The following HEATR6 variants were observed in gnomAD, a reference collection of about 807,000 sequenced individuals.
HEATR6 encodes the protein HEAT repeat-containing protein 6.
Under a neutral mutation model 132.8 loss-of-function variants are expected in HEATR6, and 106 were observed. That is an observed-to-expected ratio of 0.80 (90% CI 0.68 to 0.94). HEATR6 has a LOEUF of 0.94. Among genes scored for constraint, HEATR6 ranks in the 40% least tolerant of loss-of-function variants. HEATR6 has a pLI of 0.00. For missense variants in HEATR6, 1,339 were observed against 1,425.1 expected, an observed-to-expected ratio of 0.94 and a Z score of 0.97; for synonymous variants, 529 against 537.8, an observed-to-expected ratio of 0.98 and a Z score of 0.23.
At chr17:60,073,962 C>G (rs927344414) in intron 2 of HEATR6, 76 bp from the exon 3 acceptor site, 6 of 1,528,218 alleles carry the variant, frequency 3.9e-6, no homozygotes, top group Admixed American at 4.1e-5. Flanking sequence ...GTATGCTCAC[C>G]TGAATCAAGC....
At chr17:60,067,261 C>T (rs2083246328) in intron 8 of HEATR6, among the ~76,000 whole-genome samples, 173 bp downstream of exon 8, 1 of 127,878 alleles carries the variant, frequency 7.8e-6, no homozygotes, top group African/African-American at 3.5e-5. Context: ...CAGAGCGAGA[C>T]TCCGTCTCAA....
intron 8 of HEATR6, 60 bp downstream of exon 8, chr17:60,067,374 G>C (rs2083247354): frequency 2.4e-6 from 3 of 1,256,198 alleles, no homozygotes; most frequent in Non-Finnish European, 3.2e-6. Flanking sequence ...TTCAGGTTAA[G>C]TTATAAACTT....
At chr17:60,049,759 G>C in intron 15 of HEATR6, 57 bp from the exon 16 acceptor site, 3 of 1,581,248 alleles carry the variant, frequency 1.9e-6, no homozygotes, top group South Asian at 1.1e-5. Context: ...CAAGCCAAAG[G>C]CTTCCATAAA....
intron 1 of HEATR6, among the ~76,000 whole-genome samples, chr17:60,078,092 C>A (rs1357272340): frequency 6.6e-6 from 1 of 152,188 alleles, no homozygotes; most frequent in Non-Finnish European, 1.5e-5. Flanking sequence ...ACTTGCACCA[C>A]TTCCCTCTTT....
chr17:60,063,107 T>C (rs1311548425), intron 9 of HEATR6: 1 of 152,298 alleles, frequency 6.6e-6, no homozygotes, highest in Non-Finnish European at 1.5e-5. Flanking sequence ...TCTTTGCTAA[T>C]ACACTAAGCA....
chr17:60,056,634 C>G (rs1906752170), intron 12 of HEATR6, among the ~76,000 whole-genome samples: 1 of 152,128 alleles, frequency 6.6e-6, no homozygotes. Context: ...ACTCTTTTAT[C>G]TAGGATTGTT....
In HEATR6 at chr17:60,043,939, A is replaced by G. The variant is rs376792103; in HGVS notation, c.3170T>C (p.Ile1057Thr). 1.2e-6 allele frequency: 2 copies of G among 1,614,126 alleles called. No individual in the cohort carries two copies. Among genetic ancestry groups the G allele is most frequent in the Admixed American group, 1.7e-5 (1 of 60,026 alleles). ...ACAGTACTTGAATTCCAAAAAGTCTATGGTGTCTTCACTCTTCTGTAAAGC... is the reference window on the plus strand; with the variant it reads ...ACAGTACTTGAATTCCAAAAAGTCTGTGGTGTCTTCACTCTTCTGTAAAGC... The part of the protein sequence containing the change: ...VTALQKSEDT[I>T]DFLEFKYCVS... Residue 1057 changes from isoleucine (I) to threonine (T), a missense_variant, in exon 20 of 20, where the codon ATA (isoleucine) becomes ACA (threonine). By Grantham distance (89) the Ile-to-Thr change is moderately conservative. Transcript: ENST00000184956.
intron 2 of HEATR6, chr17:60,075,812 G>C (rs898458085): frequency 1.9e-5 from 3 of 154,910 alleles, no homozygotes; most frequent in African/African-American, 7.5e-5. Context: ...CCACACTCCA[G>C]CCTGGGCAAC....
At chr17:60,067,844 T>A in intron 7 of HEATR6, 112 bp from the exon 8 acceptor site, 1 of 857,284 alleles carries the variant, frequency 1.2e-6, no homozygotes, top group Non-Finnish European at 1.7e-6. Flanking sequence ...ACATGTAGTT[T>A]AAAGAAAGAA....
At chr17:60,070,862 G>C in intron 5 of HEATR6, 55 bp from the exon 6 acceptor site, 2 of 959,190 alleles carry the variant, frequency 2.1e-6, no homozygotes, top group Non-Finnish European at 3.4e-6. Flanking sequence ...GGTTGTCCAG[G>C]AATCAACTTA....
chr17:60,059,416 A>G lies in HEATR6; in HGVS notation c.1723+6T>C, dbSNP rs756436877. 2 of 1,588,566 alleles carry G rather than the reference A, an allele frequency of 1.3e-6. No individual in the cohort carries two copies. The highest frequency in any genetic ancestry group is 1.7e-6 in the Non-Finnish European group (2 of 1,160,788). On this transcript the variant is annotated splice_donor_region_variant and intron_variant, in intron 11 of 19. Transcript: ENST00000184956. The stretch of plus-strand genomic sequence containing the variant: ...AAGAAGCCATCAGTTTTAAGCCACT[A>G]CAAACCTTTGTGGCGAATATAAGGC...
At chr17:60,070,260 C>G (rs911034492) in intron 6 of HEATR6, among the ~76,000 whole-genome samples, 1 of 152,146 alleles carries the variant, frequency 6.6e-6, no homozygotes, top group African/African-American at 2.4e-5. Context: ...TTACTTCTTA[C>G]TTTGCTGGCT....
At position 60,048,971 on chromosome 17, in the gene HEATR6, ACATATATATATAATATATATAT is replaced by A. The variant is rs1178441660; in HGVS notation, c.2547+587_2548-584del. On this transcript the variant is annotated intron_variant, in intron 16 of 19. Coordinates refer to ENST00000184956, the MANE Select transcript of HEATR6 (RefSeq NM_022070.5). ...AGTAATTAAAAATTAAAAATAAATA[ACATATATATATAATATATATAT>A]ATATATATATATATATATATATATA... Among the ~76,000 whole-genome samples, 209 of 106,506 alleles carry A rather than the reference ACATATATATATAATATATATAT, an allele frequency of 2.0e-3. 2 individuals carry two copies. The highest frequency in any genetic ancestry group is 8.3e-3 in the African/African-American group (199 of 23,836). The allele number at this position is 106,506 out of a possible 152,430, so 69.9% of individuals were successfully genotyped here.
At chr17:60,077,754 G>A (rs2083303760) in intron 1 of HEATR6, among the ~76,000 whole-genome samples, 1 of 152,186 alleles carries the variant, frequency 6.6e-6, no homozygotes, top group African/African-American at 2.4e-5. Flanking sequence ...GCTTGGAGAG[G>A]AGCTAGACAG....
intron 2 of HEATR6, among the ~76,000 whole-genome samples, chr17:60,074,414 G>A (rs2083287130): frequency 6.6e-6 from 1 of 152,190 alleles, no homozygotes; most frequent in South Asian, 2.1e-4. Context: ...GTCACCAAGT[G>A]CTGGAAAGCT....
rs2083261252 is a variant in HEATR6, at chr17:60,069,757, G to A, written c.893C>T (p.Pro298Leu). Residue 298 changes from proline (P) to leucine (L), a missense_variant, in exon 7 of 20, where the codon CCT becomes CTT. Transcript: ENST00000184956. ...TPLPQYDGRT[P>L]IKPQQSESSA... ...GGATTCTGATTGCTGTGGTTTGATA[G>A]GTGTTCGCCCATCATACTGAGGAAG... The A allele has an allele frequency of 6.2e-7, 1 of 1,614,024 alleles. No individual in the cohort carries two copies. Among genetic ancestry groups the A allele is most frequent in the Non-Finnish European group, 8.5e-7 (1 of 1,179,964 alleles).
At chr17:60,067,366 CAGGTTA>C in intron 8 of HEATR6, 62 bp downstream of exon 8, 1 of 1,109,102 alleles carries the variant, frequency 9.0e-7, no homozygotes, top group Non-Finnish European at 1.2e-6. Flanking sequence ...ATGCAGCATT[CAGGTTA>C]AGTTATAAAC....
chr17:60,056,369 C>T (rs1906744193), intron 12 of HEATR6, 132 bp from the exon 13 acceptor site: 1 of 747,674 alleles, frequency 1.3e-6, no homozygotes, highest in Non-Finnish European at 2.1e-6. Context: ...AATTAAGAAC[C>T]ATAATCTTTA....
intron 15 of HEATR6, among the ~76,000 whole-genome samples, chr17:60,050,476 A>G (rs769343258): frequency 2.0e-4 from 30 of 152,290 alleles, no homozygotes; most frequent in Middle Eastern, 3.4e-3. Context: ...CTACCATCTT[A>G]TTGATGATAA....
Sources: allele counts gnomAD v4.1 joint callset (sites outside exome capture counted in the v4.1 genomes callset), GRCh38; gene constraint gnomAD v4.1.1; transcripts MANE v1.5; gene names NCBI Gene and HGNC (gene_info 2026-07-23, HGNC 2026-07-21).